Variants in RPS6KC1 observed in about 807,000 individuals in gnomAD.
RPS6KC1 encodes the protein inactive ribosomal protein S6 kinase delta-1.
A neutral mutation model predicts 103.8 loss-of-function variants in RPS6KC1; 54 were observed. The ratio of observed to expected loss-of-function variants is 0.52; its 90% CI spans 0.42 to 0.65. The LOEUF is 0.65. RPS6KC1 is among the 30% of genes least tolerant of loss of function. The probability of loss-of-function intolerance (pLI) is 0.00; values close to 1 mark genes in which losing one functional copy is unlikely to be tolerated. For missense variants in RPS6KC1, 1,151 were observed against 1,253.8 expected (o/e 0.92, Z 1.24); for synonymous variants, 439 against 438.7 (o/e 1.00, Z -0.01).
chr1:213,566,485 T>G, the RPS6KC1 span, among the ~76,000 whole-genome samples: 267 of 90,578 alleles, frequency 2.9e-3, 13 homozygotes, highest in African/African-American at 0.012. Context: ...TTTTTTTTTT[T>G]TTTTTTGGAT....
At chr1:213,242,463 A>G in intron 11 of RPS6KC1, 106 bp from the exon 12 acceptor site, 1 of 1,104,278 alleles carries the variant, frequency 9.1e-7, no homozygotes, top group Non-Finnish European at 1.4e-6. Flanking sequence ...TGATGCCATT[A>G]TTCTTAATGA....
At chr1:213,833,585 C>A in the RPS6KC1 span, among the ~76,000 whole-genome samples, 2 of 152,164 alleles carry the variant, frequency 1.3e-5, no homozygotes, top group Non-Finnish European at 2.9e-5. Flanking sequence ...GATCTCCACA[C>A]TCATTCAGCA....
At chr1:213,559,864 A>G in the RPS6KC1 span, among the ~76,000 whole-genome samples, 2 of 152,250 alleles carry the variant, frequency 1.3e-5, no homozygotes, top group African/African-American at 2.4e-5. Context: ...TAGAATCAAT[A>G]TAAAAATTAT....
chr1:213,852,447 C>T, the RPS6KC1 span, among the ~76,000 whole-genome samples: 1 of 152,042 alleles, frequency 6.6e-6, no homozygotes, highest in African/African-American at 2.4e-5. Context: ...ATCTAGCAAA[C>T]CATCTATTTA....
At chr1:213,522,369 G>A in the RPS6KC1 span, among the ~76,000 whole-genome samples, 131 of 152,328 alleles carry the variant, frequency 8.6e-4, no homozygotes, top group Non-Finnish European at 1.2e-3. Flanking sequence ...GAGGGCAGGC[G>A]GAGTAGATTT....
At chr1:213,640,455 A>AT in the RPS6KC1 span, among the ~76,000 whole-genome samples, 1,310 of 139,910 alleles carry the variant, frequency 9.4e-3, 15 homozygotes, top group African/African-American at 0.03. Flanking sequence ...ATTTGTGTTC[A>AT]TTTTTTTTTT....
At chr1:213,463,448 A>G in the RPS6KC1 span, among the ~76,000 whole-genome samples, 1 of 152,200 alleles carries the variant, frequency 6.6e-6, no homozygotes, top group Non-Finnish European at 1.5e-5. Flanking sequence ...TACAGTTTTA[A>G]GAAACAGTAC....
chr1:213,249,627 C>T (rs1175521153), intron 12 of RPS6KC1, among the ~76,000 whole-genome samples: 1 of 152,166 alleles, frequency 6.6e-6, no homozygotes, highest in Non-Finnish European at 1.5e-5. Context: ...TTGGGTAACA[C>T]TGTGACACCT....
intron 8 of RPS6KC1, among the ~76,000 whole-genome samples, chr1:213,201,146 A>G (rs2093147690): frequency 6.6e-6 from 1 of 152,332 alleles, no homozygotes. Context: ...TTCATACAGT[A>G]TCCTGCACAA....
At chr1:213,330,899 A>G in the RPS6KC1 span, among the ~76,000 whole-genome samples, 1 of 152,200 alleles carries the variant, frequency 6.6e-6, no homozygotes, top group South Asian at 2.1e-4. Context: ...GAGGGTGATC[A>G]CTAAAGCAAG....
At chr1:213,182,931 T>G (rs2092353861) in intron 8 of RPS6KC1, among the ~76,000 whole-genome samples, 1 of 149,856 alleles carries the variant, frequency 6.7e-6, no homozygotes, top group South Asian at 2.1e-4. Flanking sequence ...TATATCATGT[T>G]TGAAGTTTCT....
the RPS6KC1 span, among the ~76,000 whole-genome samples, chr1:213,645,475 G>A: frequency 6.6e-6 from 1 of 152,080 alleles, no homozygotes; most frequent in East Asian, 1.9e-4. Flanking sequence ...ATGTAAAGGT[G>A]TCCGAGCCAA....
At chr1:213,814,935 T>C in the RPS6KC1 span, among the ~76,000 whole-genome samples, 1 of 152,190 alleles carries the variant, frequency 6.6e-6, no homozygotes, top group African/African-American at 2.4e-5. Context: ...TGAGTAATAA[T>C]TCTTATCACT....
At chr1:213,829,748 A>AC in the RPS6KC1 span, among the ~76,000 whole-genome samples, 7 of 152,052 alleles carry the variant, frequency 4.6e-5, no homozygotes, top group Non-Finnish European at 8.8e-5. Flanking sequence ...AATAGGAGAC[A>AC]CCCCCTCCCC....
intron 6 of RPS6KC1, among the ~76,000 whole-genome samples, chr1:213,137,758 T>G (rs1198205549): frequency 9.9e-4 from 27 of 27,254 alleles, no homozygotes; most frequent in Middle Eastern, 8.9e-3. Context: ...GTTTGCTCTC[T>G]CTCTCTCTCT....
At chr1:213,635,983 C>T in the RPS6KC1 span, among the ~76,000 whole-genome samples, 1 of 152,066 alleles carries the variant, frequency 6.6e-6, no homozygotes, top group Non-Finnish European at 1.5e-5. Context: ...AACAGACAAA[C>T]AAAGAGCCAA....
At chr1:213,517,790 C>A in the RPS6KC1 span, among the ~76,000 whole-genome samples, 1 of 152,156 alleles carries the variant, frequency 6.6e-6, no homozygotes, top group African/African-American at 2.4e-5. Flanking sequence ...TCCTTGTTAA[C>A]TTTCTGTCTC....
chr1:213,538,658 G>A, the RPS6KC1 span, among the ~76,000 whole-genome samples: 7 of 152,252 alleles, frequency 4.6e-5, no homozygotes, highest in African/African-American at 1.7e-4. Context: ...GTGCAGGTAG[G>A]AATGAGTTTG....
chr1:213,532,230 C>T, the RPS6KC1 span, among the ~76,000 whole-genome samples: 6 of 152,116 alleles, frequency 3.9e-5, no homozygotes, highest in Admixed American at 1.3e-4. Flanking sequence ...GGGTGGGGAG[C>T]GGCCAAGGCA....
Sources: gnomAD v4.1 joint callset for allele counts (sites outside exome capture counted in the v4.1 genomes callset) on GRCh38, gnomAD v4.1.1 for gene constraint, MANE v1.5 for transcripts, NCBI Gene and HGNC (gene_info 2026-07-23, HGNC 2026-07-21) for gene names.